ERBB4: variants seen among roughly 807,000 people sequenced by gnomAD.
ERBB4 encodes the protein receptor tyrosine-protein kinase erbB-4.
Under a neutral mutation model 158.0 loss-of-function variants are expected in ERBB4, and 42 were observed. That is an observed-to-expected ratio of 0.27 (90% CI 0.21 to 0.34). The LOEUF is 0.34. ERBB4 is among the 10% of genes least tolerant of loss of function. The probability of loss-of-function intolerance (pLI) is 1.00; values close to 1 mark genes in which losing one functional copy is unlikely to be tolerated. For missense variants in ERBB4, 1,333 were observed against 1,624.1 expected (o/e 0.82, Z 3.08); for synonymous variants, 583 against 558.7 (o/e 1.04, Z -0.61).
chr2:211,546,512 C>T (rs952971160), intron 20 of ERBB4, among the ~76,000 whole-genome samples: 1 of 152,074 alleles, frequency 6.6e-6, no homozygotes, highest in Non-Finnish European at 1.5e-5. Flanking sequence ...AAGTTTCCTC[C>T]CTTGTGGCTC....
At chr2:211,772,706 T>A (rs1277781171) in intron 4 of ERBB4, among the ~76,000 whole-genome samples, 1 of 147,350 alleles carries the variant, frequency 6.8e-6, no homozygotes, top group Non-Finnish European at 1.5e-5. Flanking sequence ...AGCACACTGG[T>A]ACAATCATGG....
chr2:212,065,657 G>A (rs975701037), intron 2 of ERBB4, among the ~76,000 whole-genome samples: 6 of 151,980 alleles, frequency 3.9e-5, no homozygotes, highest in Non-Finnish European at 8.8e-5. Context: ...GAGAGGAAGT[G>A]GAAACTGTGT....
At chr2:211,766,271 T>C (rs545094338) in intron 4 of ERBB4, among the ~76,000 whole-genome samples, 14 of 152,322 alleles carry the variant, frequency 9.2e-5, no homozygotes, top group African/African-American at 2.9e-4. Context: ...GCTTGAAAGA[T>C]TGCCAAATGG....
At chr2:211,477,987 AG>A (rs1229075341) in intron 20 of ERBB4, among the ~76,000 whole-genome samples, 1 of 152,150 alleles carries the variant, frequency 6.6e-6, no homozygotes, top group Non-Finnish European at 1.5e-5. Context: ...AAACCAGTTA[AG>A]GCAATATTCC....
intron 16 of ERBB4, among the ~76,000 whole-genome samples, chr2:211,643,269 C>G (rs1265642619): frequency 6.6e-6 from 1 of 152,128 alleles, no homozygotes; most frequent in African/African-American, 2.4e-5. Context: ...CTGATGAAGC[C>G]TATCCCTCTA....
chr2:212,461,191 C>T (rs981574029), intron 1 of ERBB4, among the ~76,000 whole-genome samples: 1 of 152,164 alleles, frequency 6.6e-6, no homozygotes, highest in Non-Finnish European at 1.5e-5. Context: ...AGAGGGCCAC[C>T]ATCCACCAGA....
At chr2:211,657,657 C>A (rs2071268366) in intron 16 of ERBB4, 97 bp downstream of exon 16, 3 of 923,016 alleles carry the variant, frequency 3.3e-6, no homozygotes, top group South Asian at 2.7e-5. Flanking sequence ...TTATGAGTTA[C>A]AATATATTAT....
chr2:212,219,116 A>C (rs1412566036), intron 1 of ERBB4, among the ~76,000 whole-genome samples: 1 of 151,430 alleles, frequency 6.6e-6, no homozygotes, highest in East Asian at 1.9e-4. Flanking sequence ...AAAATCATGA[A>C]GTGTCAGAGT....
intron 4 of ERBB4, among the ~76,000 whole-genome samples, chr2:211,781,046 CT>C (rs1559513157): frequency 6.6e-6 from 1 of 152,116 alleles, no homozygotes; most frequent in Non-Finnish European, 1.5e-5. Context: ...AATTTTCTTG[CT>C]ACTTTTTTAT....
chr2:211,828,532 C>A (rs1349188189), intron 3 of ERBB4, among the ~76,000 whole-genome samples: 6 of 151,866 alleles, frequency 4.0e-5, no homozygotes, highest in Non-Finnish European at 7.4e-5. Flanking sequence ...AGGTGAACAA[C>A]AACAGACTCA....
At position 212,034,427 on chromosome 2, in the gene ERBB4, A is replaced by C. The variant is rs149589827; in HGVS notation, c.235-86811T>G. Among the ~76,000 whole-genome samples the C allele has an allele frequency of 6.3e-4, 96 of 152,172 alleles. No individual in the cohort carries two copies. In the East Asian group the frequency reaches 0.017, roughly 28 times the overall value. On this transcript the variant is annotated intron_variant, in intron 2 of 27. Transcript: ENST00000342788. ...TTTTCTTACCTTACAAAGGATTAAA[A>C]AGGAATAGTGGTTATGATTCCCAGC...
intron 19 of ERBB4, among the ~76,000 whole-genome samples, chr2:211,582,213 C>T (rs1220999733): frequency 6.6e-6 from 1 of 152,150 alleles, no homozygotes; most frequent in Non-Finnish European, 1.5e-5. Context: ...TGTAAAAAGA[C>T]AGCTTTTTAA....
chr2:211,888,869 T>A (rs985262907), intron 3 of ERBB4, among the ~76,000 whole-genome samples: 4 of 151,810 alleles, frequency 2.6e-5, no homozygotes, highest in African/African-American at 7.3e-5. Flanking sequence ...ACCATGAGAT[T>A]ATATCCCACA....
At chr2:212,435,242 A>G (rs189668529) in intron 1 of ERBB4, among the ~76,000 whole-genome samples, 524 of 152,044 alleles carry the variant, frequency 3.4e-3, no homozygotes, top group Admixed American at 8.9e-3. Context: ...CCTAATCCCC[A>G]GGAGAAACCT....
At chr2:211,442,376 A>C (rs1015703639) in intron 20 of ERBB4, among the ~76,000 whole-genome samples, 3 of 117,924 alleles carry the variant, frequency 2.5e-5, no homozygotes, top group African/African-American at 1.0e-4. Flanking sequence ...CTTTATCTAT[A>C]GACAGGTATC....
At chr2:211,658,668 A>T (rs2071309844) in intron 15 of ERBB4, among the ~76,000 whole-genome samples, 1 of 152,194 alleles carries the variant, frequency 6.6e-6, no homozygotes, top group African/African-American at 2.4e-5. Flanking sequence ...AGGTAAACAA[A>T]AACAAGTTTT....
chr2:212,152,839 A>G (rs190868614), intron 1 of ERBB4, among the ~76,000 whole-genome samples: 80 of 152,304 alleles, frequency 5.3e-4, no homozygotes, highest in African/African-American at 1.8e-3. Flanking sequence ...CTACTCCAGG[A>G]AGAATGCTGA....
intron 2 of ERBB4, among the ~76,000 whole-genome samples, chr2:211,999,122 A>G (rs1258317306): frequency 6.6e-6 from 1 of 151,768 alleles, no homozygotes; most frequent in Non-Finnish European, 1.5e-5. Flanking sequence ...CTGATAGTTT[A>G]CACTTTTCTG....
At chr2:211,981,373 CT>C (rs1300262230) in intron 2 of ERBB4, among the ~76,000 whole-genome samples, 1 of 152,176 alleles carries the variant, frequency 6.6e-6, no homozygotes, top group Non-Finnish European at 1.5e-5. Flanking sequence ...GTGAAGAGCA[CT>C]TTGGGAACTG....
Sources: gnomAD v4.1 joint callset for allele counts (sites outside exome capture counted in the v4.1 genomes callset) on GRCh38, gnomAD v4.1.1 for gene constraint, MANE v1.5 for transcripts, NCBI Gene and HGNC (gene_info 2026-07-23, HGNC 2026-07-21) for gene names.